Variants in PEX10 observed in about 807,000 individuals in gnomAD.
PEX10 encodes peroxisomal biogenesis factor 10, also known as peroxisome biogenesis factor 10.
PEX10 carries 32 observed loss-of-function variants against 38.0 expected under a neutral mutation model. The observed-to-expected ratio is 0.84, with a 90% confidence interval of 0.63 to 1.13. The LOEUF (loss-of-function observed/expected upper bound fraction) is 1.13. Among genes scored for constraint, PEX10 ranks in the 50% most tolerant of loss-of-function variants. The probability of loss-of-function intolerance (pLI) is 0.00; values close to 1 mark genes in which losing one functional copy is unlikely to be tolerated. For synonymous variants in PEX10, 206 were observed against 207.3 expected (o/e 0.99, Z 0.05); for missense variants, 483 against 457.7 (o/e 1.06, Z -0.51).
rs890726772 is a variant in PEX10 at position 2,410,545 on chromosome 1, C to T, written c.113-94G>A. ...CTCCCCCAGTTGTCTAGGCCCAGAT[C>T]CAGTCCCACCCCTTCCATGAAGCCA... On this transcript the variant is annotated intron_variant, in intron 1 of 5. Transcript: ENST00000447513. This position sits in a 1 kb window ranked among gnomAD's most constrained non-coding sequence, Gnocchi z 5.1. 9.7e-7 allele frequency: 1 copy of T among 1,033,448 alleles called. No individual in the cohort carries two copies. The highest frequency in any genetic ancestry group is 1.5e-6 in the Non-Finnish European group (1 of 678,758). The allele number at this position is 1,033,448 out of a possible 1,614,324, so 64.0% of individuals were successfully genotyped here.
chr1:2,405,543 G>C lies in PEX10; in HGVS notation c.*223C>G. ...GAAGTGGCTGAGTCCTACCAGGTTG[G>C]GGTTAGGGAAATGTTCTGGGTTCAG... On this transcript the variant is annotated 3_prime_UTR_variant, in exon 6 of 6. Transcript: ENST00000447513. 1.5e-6 allele frequency: 1 copy of C among 662,336 alleles called. No individual in the cohort carries two copies. 41.0% of individuals were successfully genotyped at this position (662,336 alleles called of 1,614,324 possible).
chr1:2,411,774 G>A (rs1643234293), intron 1 of PEX10, among the ~76,000 whole-genome samples: 1 of 152,230 alleles, frequency 6.6e-6, no homozygotes, highest in South Asian at 2.1e-4. Flanking sequence ...CTGGGCTCAA[G>A]CGATCCTCCC....
chr1:2,405,919 T>C lies in PEX10; in HGVS notation c.913-85A>G, dbSNP rs1642984886. 5 of 1,009,494 alleles carry C rather than the reference T, an allele frequency of 5.0e-6. No individual in the cohort carries two copies. In the Middle Eastern group the frequency reaches 1.4e-3, roughly 273 times the overall value. 62.5% of individuals were successfully genotyped at this position (1,009,494 alleles called of 1,614,324 possible). On this transcript the variant is annotated intron_variant, in intron 5 of 5. Transcript: ENST00000447513. ...TCGGCATTTCTTTTCCTGTCCACAT[T>C]CTCTGCACATGACACACAACATAAA...
At chr1:2,407,855 C>T (rs865795748) in intron 3 of PEX10, among the ~76,000 whole-genome samples, 14 of 152,196 alleles carry the variant, frequency 9.2e-5, no homozygotes, top group East Asian at 1.9e-4. Flanking sequence ...CAGGGACTAA[C>T]GCTGTGGCAG....
In PEX10 at chr1:2,405,432, G is replaced by A; in HGVS notation, c.*334C>T. The A allele has an allele frequency of 2.1e-6, 1 of 465,832 alleles. No individual in the cohort carries two copies. The highest frequency in any genetic ancestry group is 2.0e-5 in the South Asian group (1 of 48,910). The allele number at this position is 465,832 out of a possible 1,614,324, so 28.9% of individuals were successfully genotyped here. A position where few individuals can be genotyped will look rare whatever the true frequency, so the allele number is the denominator to read the frequency against. On this transcript the variant is annotated 3_prime_UTR_variant, in exon 6 of 6. Transcript: ENST00000447513. ...ATATAAACGAATAAAGTGTCTTCTG[G>A]CCTACTTCTGAATTACTTCTCAACT...
In PEX10 at chr1:2,410,169, CACAAA is replaced by C; in HGVS notation, c.193+197_193+201del. ...TCTTAAACAAAGAACCCCAGGGACA[CACAAA>C]GGCTGGAAAAGTCGGCTCCCTGCTG... On this transcript the variant is annotated intron_variant, in intron 2 of 5. Coordinates refer to ENST00000447513, the MANE Select transcript of PEX10 (RefSeq NM_002617.4). The surrounding 1 kb of genome is among the most constrained non-coding windows in gnomAD (Gnocchi z 5.1). 1.7e-6 allele frequency: 1 copy of C among 604,996 alleles called. No individual in the cohort carries two copies. Among genetic ancestry groups the C allele is most frequent in the Non-Finnish European group, 3.0e-6 (1 of 333,166 alleles). The allele number at this position is 604,996 out of a possible 1,614,324, so 37.5% of individuals were successfully genotyped here.
intron 3 of PEX10, among the ~76,000 whole-genome samples, 166 bp downstream of exon 3, chr1:2,408,286 G>C (rs1477231356): frequency 1.3e-5 from 2 of 152,178 alleles, no homozygotes; most frequent in Non-Finnish European, 2.9e-5. Flanking sequence ...AACAAAATCT[G>C]CTTTTTTTCC....
rs766596553 is a variant in PEX10 at position 2,408,624 on chromosome 1, C to T, written c.428G>A (p.Arg143His). The change falls in exon 3 of 6, where the codon CGC becomes CAC. Residue 143 changes from arginine to histidine, a missense_variant. Physicochemically the swap from Arg to His is conservative, Grantham distance 29. Coordinates refer to ENST00000447513, the MANE Select transcript of PEX10 (RefSeq NM_002617.4). ...GGTGGCCGTGTGGTGACGCATCCAGCGCCGCGCCCCTGAGCAGCCACGCCC... is the reference window on the plus strand; with the variant it reads ...GGTGGCCGTGTGGTGACGCATCCAGTGCCGCGCCCCTGAGCAGCCACGCCC... The part of the protein sequence containing the change: ...PGGRGCSGAR[R>H]WMRHHTATLT... 58 of 1,610,420 alleles carry T rather than the reference C, an allele frequency of 3.6e-5. No homozygotes were observed. The highest frequency in any genetic ancestry group is 2.0e-4 in the East Asian group (9 of 44,866).
rs149877113 is a variant in PEX10 at position 2,406,765 on chromosome 1, C to T, written c.731G>A (p.Arg244Gln). ...GTGCAGCCTCCACTCCTTCCTGGCT[C>T]GCTGCCGCTGCCTGAAACCGTACAG... ...LQLYGFRQRQRARKEWRLHRG... is the reference protein window; with the variant it reads ...LQLYGFRQRQQARKEWRLHRG... The change falls in exon 4 of 6, where the codon CGA (arginine) becomes CAA (glutamine). Residue 244 changes from arginine to glutamine, a missense_variant. By Grantham distance (43) the Arg-to-Gln change is conservative (BLOSUM62 1). Transcript: ENST00000447513. The T allele has an allele frequency of 1.3e-5, 21 of 1,609,348 alleles. No homozygotes were observed. Among genetic ancestry groups the T allele is most frequent in the South Asian group, 3.3e-5 (3 of 90,440 alleles).
intron 1 of PEX10, chr1:2,411,010 TCCA>T (rs570218479): frequency 8.3e-4 from 331 of 397,106 alleles, no homozygotes; most frequent in Non-Finnish European, 1.5e-3. Flanking sequence ...CTGTTCAGAA[TCCA>T]CCAATGGCTG....
chr1:2,405,926 A>C (rs1351794673), intron 5 of PEX10, 92 bp from the exon 6 acceptor site: 1 of 947,462 alleles, frequency 1.1e-6, no homozygotes, highest in East Asian at 2.6e-5. Flanking sequence ...CATTCTCTGC[A>C]CATGACACAC....
rs1193998842 is a variant in PEX10, at chr1:2,412,382, G to A, written c.112+9C>T. ...CTCGCGAGGACGTCCGGCCGCGCCC[G>A]GCCCTCACCCGCCAGGCTGTGCAGG... On this transcript the variant is annotated intron_variant, in intron 1 of 5. Coordinates refer to ENST00000447513, the MANE Select transcript of PEX10 (RefSeq NM_002617.4). 6.6e-6 allele frequency: 9 copies of A among 1,371,836 alleles called. No individual in the cohort carries two copies. Among genetic ancestry groups the A allele is most frequent in the South Asian group, 3.3e-5 (2 of 60,722 alleles). The allele number at this position is 1,371,836 out of a possible 1,614,324, so 85.0% of individuals were successfully genotyped here.
chr1:2,412,524 C>T lies in PEX10; in HGVS notation c.-22G>A, dbSNP rs768005610. ...CCATGGCCGCGGGTTCGGGTGGTCC[C>T]GAGCAGCCACGCCGGCCACGCCCAC... On this transcript the variant is annotated 5_prime_UTR_variant, in exon 1 of 6. Transcript: ENST00000447513. 8.3e-6 allele frequency: 11 copies of T among 1,325,670 alleles called. No individual in the cohort carries two copies. The East Asian group carries it at 9.6e-5, about 12-fold the overall frequency. The allele number at this position is 1,325,670 out of a possible 1,614,324, so 82.1% of individuals were successfully genotyped here.
Position 2,405,739 on chromosome 1 carries a change from T to C in PEX10, c.*27A>G, listed in dbSNP as rs1218499884. The C allele has an allele frequency of 6.3e-7, 1 of 1,581,752 alleles. No individual in the cohort carries two copies. Among genetic ancestry groups the C allele is most frequent in the African/African-American group, 1.3e-5 (1 of 74,224 alleles). ...CGTTCAGACTCCCGTAGAGGTCATC[T>C]GTGTCCAGGCCCACCCGGGCGCCGG... On this transcript the variant is annotated 3_prime_UTR_variant, in exon 6 of 6. Coordinates refer to ENST00000447513, the MANE Select transcript of PEX10 (RefSeq NM_002617.4).
rs1211140290 is a variant in PEX10, at chr1:2,408,545, C to A, written c.507G>T (p.Gln169His). ...GTAGCCGCTGGAGGCAGGCGAGGCCCTGTCTGAGGACGAAGACCGCCCGCA... is the reference window on the plus strand; with the variant it reads ...GTAGCCGCTGGAGGCAGGCGAGGCCATGTCTGAGGACGAAGACCGCCCGCA... ...ALLRAVFVLR[Q>H]GLACLQRLHV... The change falls in exon 3 of 6, where the codon CAG (glutamine) becomes CAT (histidine). Residue 169 changes from glutamine (Q) to histidine (H), a missense_variant. Gln to His is a conservative substitution (Grantham distance 24, BLOSUM62 0). Coordinates refer to ENST00000447513, the MANE Select transcript of PEX10 (RefSeq NM_002617.4). 3 of 1,612,700 alleles carry A rather than the reference C, an allele frequency of 1.9e-6. No homozygotes were observed. The Admixed American group carries it at 5.0e-5, about 27-fold the overall frequency.
At chr1:2,411,601 A>C (rs2100438539) in intron 1 of PEX10, among the ~76,000 whole-genome samples, 2 of 151,680 alleles carry the variant, frequency 1.3e-5, no homozygotes, top group Non-Finnish European at 2.9e-5. Flanking sequence ...GTGCAGCGGC[A>C]CAATCATGGC....
Position 2,409,306 on chromosome 1 carries a change from C to G in PEX10, c.194-448G>C, listed in dbSNP as rs183944818. ...CCAGCCATGCAGGTCCGCCACCTACCTGACATCGCCATGTATGCTCAGATG... is the reference window on the plus strand; with the variant it reads ...CCAGCCATGCAGGTCCGCCACCTACGTGACATCGCCATGTATGCTCAGATG... On this transcript the variant is annotated intron_variant, in intron 2 of 5. Coordinates refer to ENST00000447513, the MANE Select transcript of PEX10 (RefSeq NM_002617.4). The surrounding 1 kb of genome is among the most constrained non-coding windows in gnomAD (Gnocchi z 6.2). Among the ~76,000 whole-genome samples the G allele has an allele frequency of 3.0e-4, 45 of 152,322 alleles. No homozygotes were observed. Among genetic ancestry groups the G allele is most frequent in the African/African-American group, 1.1e-3 (44 of 41,568 alleles).
rs748829349 is a variant in PEX10, at chr1:2,406,611, A to C, written c.785T>G (p.Leu262Trp). 4 of 1,613,302 alleles carry C rather than the reference A, an allele frequency of 2.5e-6. No individual in the cohort carries two copies. In the South Asian group the frequency reaches 3.3e-5, roughly 13 times the overall value. Residue 262 changes from leucine to tryptophan, a missense_variant, in exon 5 of 6, where the codon TTG becomes TGG. Transcript: ENST00000447513. Reference protein sequence around the residue: ...HRGLSHRRASLEERAVSRNPL... With the variant: ...HRGLSHRRASWEERAVSRNPL... ...GTTTCTGGAAACGGCTCTCTCCTCC[A>C]AGGAGGCCCTGGGGAAGGTGGGGCA...
At chr1:2,412,690 C>G (rs1368449903), upstream of PEX10, 3 of 383,952 alleles carry the variant, frequency 7.8e-6, no homozygotes, top group Non-Finnish European at 1.4e-5. Flanking sequence ...GGAGTCCGAA[C>G]CAGCGCAGCG....
Sources: gnomAD v4.1 joint callset for allele counts (sites outside exome capture counted in the v4.1 genomes callset) on GRCh38, gnomAD v4.1.1 for gene constraint, Gnocchi (gnomAD v3.1) non-coding constraint, MANE v1.5 for transcripts, NCBI Gene and HGNC (gene_info 2026-07-23, HGNC 2026-07-21) for gene names.